CDK17: variants seen among roughly 807,000 people sequenced by gnomAD.
The protein encoded by CDK17 is cyclin-dependent kinase 17.
Under a neutral mutation model 77.6 loss-of-function variants are expected in CDK17, and 24 were observed. The observed-to-expected ratio is 0.31, with a 90% confidence interval of 0.22 to 0.44. The LOEUF is 0.44. Ranked by LOEUF, CDK17 falls within the 20% of genes least tolerant of loss-of-function variation. The pLI is 1.00. For missense variants in CDK17, 429 were observed against 622.5 expected, an observed-to-expected ratio of 0.69 and a Z score of 3.31; for synonymous variants, 203 against 210.4, an observed-to-expected ratio of 0.96 and a Z score of 0.30.
intron 3 of CDK17, among the ~76,000 whole-genome samples, chr12:96,319,499 AAG>A (rs910397828): frequency 7.5e-6 from 1 of 134,212 alleles, no homozygotes; most frequent in Non-Finnish European, 1.6e-5. Flanking sequence ...ACAACCAAAA[AAG>A]AGAATTTTAG....
intron 9 of CDK17, among the ~76,000 whole-genome samples, chr12:96,296,633 T>C (rs1373841880): frequency 2.6e-5 from 4 of 152,222 alleles, no homozygotes; most frequent in Admixed American, 2.6e-4. Context: ...TTGGATACAC[T>C]ACTCAGGTCA....
intron 1 of CDK17, among the ~76,000 whole-genome samples, chr12:96,341,420 A>G (rs78663163): frequency 0.044 from 6,626 of 152,168 alleles, 192 homozygotes; most frequent in East Asian, 0.13. Context: ...GCTTTTTGTA[A>G]TACTTAGATC....
Position 96,334,862 on chromosome 12 carries a change from A to G in CDK17, c.-26T>C. 1.7e-6 allele frequency: 2 copies of G among 1,198,816 alleles called. No homozygotes were observed. The highest frequency in any genetic ancestry group is 2.5e-6 in the Non-Finnish European group (2 of 804,396). 74.3% of individuals were successfully genotyped at this position (1,198,816 alleles called of 1,614,324 possible). A position where few individuals can be genotyped will look rare whatever the true frequency, so the allele number is the denominator to read the frequency against. On this transcript the variant is annotated 5_prime_UTR_variant, in exon 2 of 17. Transcript: ENST00000261211. Reference sequence around the variant, plus strand: ...CCTATCAATTGAATGTGGCTTGAAAAATCCTGAAAGAAAAGAATAAACACA... The same window carrying G: ...CCTATCAATTGAATGTGGCTTGAAAGATCCTGAAAGAAAAGAATAAACACA...
At chr12:96,318,597 A>C (rs1234431974) in intron 3 of CDK17, among the ~76,000 whole-genome samples, 3 of 145,214 alleles carry the variant, frequency 2.1e-5, no homozygotes, top group South Asian at 2.3e-4. Context: ...TTAACAAACT[A>C]TCTCTCAGAC....
At chr12:96,306,148 A>C (rs138678258) in intron 5 of CDK17, among the ~76,000 whole-genome samples, 1 of 152,194 alleles carries the variant, frequency 6.6e-6, no homozygotes, top group Non-Finnish European at 1.5e-5. Flanking sequence ...ATGACCATAA[A>C]TTTATATTAG....
intron 5 of CDK17, among the ~76,000 whole-genome samples, chr12:96,306,177 T>C (rs1294447292): frequency 6.6e-6 from 1 of 152,202 alleles, no homozygotes; most frequent in Admixed American, 6.5e-5. Flanking sequence ...AGCCCTACTG[T>C]ATAACTTTCT....
chr12:96,281,285 G>A (rs573226323), intron 15 of CDK17, among the ~76,000 whole-genome samples: 2 of 152,280 alleles, frequency 1.3e-5, no homozygotes, highest in Non-Finnish European at 2.9e-5. Flanking sequence ...GCTATCTTTG[G>A]AATTTTAGCG....
chr12:96,396,428 T>C (rs1366686789), intron 1 of CDK17, among the ~76,000 whole-genome samples: 1 of 152,238 alleles, frequency 6.6e-6, no homozygotes, highest in Non-Finnish European at 1.5e-5. Flanking sequence ...GTAGATTGAA[T>C]GCTAGTGAAC....
chr12:96,311,987 G>A (rs929488160), intron 4 of CDK17, among the ~76,000 whole-genome samples: 1 of 152,160 alleles, frequency 6.6e-6, no homozygotes, highest in African/African-American at 2.4e-5. Flanking sequence ...GAGTATATGT[G>A]TATATGGGGG....
At chr12:96,347,354 A>G (rs1453638643) in intron 1 of CDK17, among the ~76,000 whole-genome samples, 1 of 151,798 alleles carries the variant, frequency 6.6e-6, no homozygotes, top group Non-Finnish European at 1.5e-5. Flanking sequence ...ACCTGAGGTC[A>G]GGAGTTTCAA....
At chr12:96,368,932 G>A (rs972785300) in intron 1 of CDK17, among the ~76,000 whole-genome samples, 2 of 150,844 alleles carry the variant, frequency 1.3e-5, no homozygotes, top group Admixed American at 6.7e-5. Flanking sequence ...GATAGTTGCT[G>A]GAAGCTACAA....
chr12:96,371,680 C>T (rs546808257), intron 1 of CDK17, among the ~76,000 whole-genome samples: 15 of 151,732 alleles, frequency 9.9e-5, no homozygotes, highest in Admixed American at 2.0e-4. Context: ...TGTGGTGAGC[C>T]GAGATCAGGC....
chr12:96,304,267 G>T (rs770173919), intron 5 of CDK17, among the ~76,000 whole-genome samples: 2 of 152,110 alleles, frequency 1.3e-5, no homozygotes, highest in African/African-American at 2.4e-5. Flanking sequence ...GGCCGGGCAC[G>T]GTGGCTCATG....
intron 15 of CDK17, 150 bp from the exon 16 acceptor site, chr12:96,281,035 C>T: frequency 1.6e-6 from 1 of 627,902 alleles, no homozygotes; most frequent in Non-Finnish European, 2.6e-6. Flanking sequence ...TCCTTTTTGT[C>T]CCAGTGTGTT....
intron 1 of CDK17, among the ~76,000 whole-genome samples, chr12:96,342,972 A>G (rs909186222): frequency 6.6e-6 from 1 of 151,974 alleles, no homozygotes; most frequent in African/African-American, 2.4e-5. Context: ...TTAAAAAAAA[A>G]AATTAATCCT....
intron 1 of CDK17, among the ~76,000 whole-genome samples, chr12:96,337,410 T>C (rs184763833): frequency 6.6e-6 from 1 of 152,316 alleles, no homozygotes; most frequent in East Asian, 1.9e-4. Flanking sequence ...TCTTCAAGTG[T>C]TGATTCACTG....
At chr12:96,373,551 C>T (rs530769572) in intron 1 of CDK17, among the ~76,000 whole-genome samples, 2 of 152,032 alleles carry the variant, frequency 1.3e-5, no homozygotes, top group African/African-American at 2.4e-5. Flanking sequence ...GCCGAGATTG[C>T]GCCATTGCAC....
At chr12:96,396,759 T>TAAAACAAAC (rs972888918) in intron 1 of CDK17, among the ~76,000 whole-genome samples, 1 of 152,060 alleles carries the variant, frequency 6.6e-6, no homozygotes, top group South Asian at 2.1e-4. Flanking sequence ...CCTGAAAGTC[T>TAAAACAAAC]AAAACAAACA....
chr12:96,287,739 T>A (rs1952265414), intron 11 of CDK17, among the ~76,000 whole-genome samples: 1 of 152,130 alleles, frequency 6.6e-6, no homozygotes, highest in Non-Finnish European at 1.5e-5. Context: ...CAGCATTATT[T>A]ACAATAGTCA....
Sources: allele counts gnomAD v4.1 joint callset (sites outside exome capture counted in the v4.1 genomes callset), GRCh38; gene constraint gnomAD v4.1.1; transcripts MANE v1.5; gene names NCBI Gene and HGNC (gene_info 2026-07-23, HGNC 2026-07-21).